Variants in ATP8B4 observed in about 807,000 individuals in gnomAD.
The protein encoded by ATP8B4 is ATPase phospholipid transporting 8B4 (putative), also known as probable phospholipid-transporting ATPase IM.
A neutral mutation model predicts 145.6 loss-of-function variants in ATP8B4; 133 were observed. That is an observed-to-expected ratio of 0.91 (90% confidence interval 0.79 to 1.05). The LOEUF (loss-of-function observed/expected upper bound fraction) is 1.05. Among genes scored for constraint, ATP8B4 ranks in the 50% least tolerant of loss-of-function variants. The pLI is 0.00. For missense variants in ATP8B4, 1,458 were observed against 1,425.2 expected, an observed-to-expected ratio of 1.02 and a Z score of -0.37; for synonymous variants, 507 against 492.9, an observed-to-expected ratio of 1.03 and a Z score of -0.38.
At chr15:50,117,077 G>A (rs1000589175) in intron 1 of ATP8B4, among the ~76,000 whole-genome samples, 1 of 151,094 alleles carries the variant, frequency 6.6e-6, no homozygotes, top group African/African-American at 2.4e-5. Context: ...TGGAGACAGA[G>A]TCTCGCTCTG....
At chr15:49,977,501 G>A (rs2045775989) in intron 12 of ATP8B4, among the ~76,000 whole-genome samples, 1 of 152,082 alleles carries the variant, frequency 6.6e-6, no homozygotes, top group Non-Finnish European at 1.5e-5. Flanking sequence ...ACTCTCAGAA[G>A]ACTTCTGCCC....
chr15:50,172,152 CA>C (rs2044683495), intron 1 of ATP8B4, among the ~76,000 whole-genome samples: 1 of 152,230 alleles, frequency 6.6e-6, no homozygotes, highest in African/African-American at 2.4e-5. Flanking sequence ...CTCTCCCTCC[CA>C]CTCCCGCTCC....
intron 2 of ATP8B4, among the ~76,000 whole-genome samples, chr15:50,101,654 G>A (rs1365446659): frequency 6.6e-6 from 1 of 152,048 alleles, no homozygotes; most frequent in African/African-American, 2.4e-5. Context: ...GGAGACTTTA[G>A]TACTCTACTA....
chr15:50,078,058 G>A lies in ATP8B4; in HGVS notation c.29-3873C>T, dbSNP rs147961088. ...AGAAAAACCAAGAGCACAAAAAAGA[G>A]GGATCCAACAGGAAGAAATAATGCT... is the stretch of plus-strand genomic sequence containing the variant. On this transcript the variant is annotated intron_variant, in intron 2 of 27. Transcript: ENST00000284509. Among the ~76,000 whole-genome samples the A allele has an allele frequency of 8.7e-4, 133 of 152,178 alleles. No homozygotes were observed. The East Asian group carries it at 0.025, about 29-fold the overall frequency.
intron 13 of ATP8B4, among the ~76,000 whole-genome samples, chr15:49,967,514 G>C (rs2044663477): frequency 6.6e-6 from 1 of 152,062 alleles, no homozygotes; most frequent in African/African-American, 2.4e-5. Context: ...GTGGAAGAAA[G>C]GATATCAGAG....
intron 12 of ATP8B4, among the ~76,000 whole-genome samples, chr15:49,973,507 A>C (rs1218881066): frequency 6.6e-6 from 1 of 152,244 alleles, no homozygotes; most frequent in Non-Finnish European, 1.5e-5. Flanking sequence ...GATAGAAAAC[A>C]GTATTTCCAT....
chr15:50,050,925 A>C (rs1367642769), intron 3 of ATP8B4, among the ~76,000 whole-genome samples: 1 of 152,160 alleles, frequency 6.6e-6, no homozygotes, highest in African/African-American at 2.4e-5. Context: ...GTTTGGGGTA[A>C]CTTGTTTTAG....
At chr15:50,072,832 G>A (rs1012418644) in intron 3 of ATP8B4, among the ~76,000 whole-genome samples, 2 of 149,194 alleles carry the variant, frequency 1.3e-5, no homozygotes, top group Non-Finnish European at 3.0e-5. Context: ...ATATTGGCCA[G>A]GCTGGTCTCG....
At chr15:50,118,969 G>C (rs2057229373) in intron 1 of ATP8B4, among the ~76,000 whole-genome samples, 154 bp downstream of exon 1, 1 of 152,070 alleles carries the variant, frequency 6.6e-6, no homozygotes, top group African/African-American at 2.4e-5. Flanking sequence ...AGCAAAAGGG[G>C]AATAATAAAG....
intron 19 of ATP8B4, among the ~76,000 whole-genome samples, chr15:49,918,493 A>G (rs2039957672): frequency 1.3e-5 from 2 of 152,206 alleles, no homozygotes; most frequent in African/African-American, 4.8e-5. Flanking sequence ...ATCCTGCTTT[A>G]GTTCTGTGCC....
chr15:50,081,778 A>G (rs540753097), intron 2 of ATP8B4, among the ~76,000 whole-genome samples: 3 of 152,362 alleles, frequency 2.0e-5, no homozygotes, highest in African/African-American at 7.2e-5. Flanking sequence ...TCCCTAATTA[A>G]CAAATACAAC....
chr15:50,079,203 A>G (rs2054385010), intron 2 of ATP8B4, among the ~76,000 whole-genome samples: 1 of 152,226 alleles, frequency 6.6e-6, no homozygotes, highest in South Asian at 2.1e-4. Context: ...ATAAATAGAT[A>G]TACCTACTAT....
chr15:50,089,406 T>C (rs1056437398), intron 2 of ATP8B4, among the ~76,000 whole-genome samples: 2 of 152,080 alleles, frequency 1.3e-5, no homozygotes, highest in Admixed American at 1.3e-4. Context: ...ACCCAGAATC[T>C]ATAAGGAACT....
chr15:49,873,790 C>T (rs2033996170), intron 25 of ATP8B4, among the ~76,000 whole-genome samples: 1 of 152,184 alleles, frequency 6.6e-6, no homozygotes, highest in Non-Finnish European at 1.5e-5. Context: ...ACTTGACTCT[C>T]CCTGCACTGC....
chr15:50,017,216 A>G lies in ATP8B4; in HGVS notation c.363-6299T>C, dbSNP rs115295338. On this transcript the variant is annotated intron_variant, in intron 6 of 27. Coordinates refer to ENST00000284509, the MANE Select transcript of ATP8B4 (RefSeq NM_024837.4). ...TCACCTCCTTTGCCAACAGTACAAT[A>G]AAGTTGGGAGATACATTTCTAGTAC... Among the ~76,000 whole-genome samples, 1,131 of 152,326 alleles carry G rather than the reference A, an allele frequency of 7.4e-3. 19 individuals carry two copies. The highest frequency in any genetic ancestry group is 0.026 in the African/African-American group (1,093 of 41,576).
chr15:49,957,579 C>A (rs2043686695), intron 14 of ATP8B4, among the ~76,000 whole-genome samples: 1 of 151,888 alleles, frequency 6.6e-6, no homozygotes, highest in Admixed American at 6.6e-5. Context: ...AATTCAGAAA[C>A]TTTGAAAATA....
chr15:50,017,204 C>T (rs1159977136), intron 6 of ATP8B4, among the ~76,000 whole-genome samples: 1 of 152,104 alleles, frequency 6.6e-6, no homozygotes, highest in African/African-American at 2.4e-5. Context: ...CCTCCTTTGC[C>T]AACAGTACAA....
intron 1 of ATP8B4, among the ~76,000 whole-genome samples, chr15:50,126,929 C>T (rs2057311687): frequency 6.6e-6 from 1 of 152,096 alleles, no homozygotes; most frequent in Non-Finnish European, 1.5e-5. Flanking sequence ...GAAGGGGGAA[C>T]TGGAGACTGA....
chr15:49,987,629 A>C (rs2046729388), intron 9 of ATP8B4, 80 bp from the exon 10 acceptor site: 5 of 1,418,550 alleles, frequency 3.5e-6, no homozygotes, highest in Admixed American at 4.1e-5. Context: ...CTGTTTTACC[A>C]CTGTTTCCCT....
Sources: allele counts gnomAD v4.1 joint callset (sites outside exome capture counted in the v4.1 genomes callset), GRCh38; gene constraint gnomAD v4.1.1; transcripts MANE v1.5; gene names NCBI Gene and HGNC (gene_info 2026-07-23, HGNC 2026-07-21).